Variants in SPOCK3 observed in about 807,000 individuals in gnomAD.
The protein encoded by SPOCK3 is SPARC (osteonectin), cwcv and kazal like domains proteoglycan 3.
A neutral mutation model predicts 56.6 loss-of-function variants in SPOCK3; 30 were observed. The ratio of observed to expected loss-of-function variants is 0.53; its 90% CI spans 0.40 to 0.72. SPOCK3 has a LOEUF of 0.72. Ranked by LOEUF, SPOCK3 falls within the 30% of genes least tolerant of loss-of-function variation. The probability of loss-of-function intolerance (pLI) is 0.00; values close to 1 mark genes in which losing one functional copy is unlikely to be tolerated. For synonymous variants in SPOCK3, 196 were observed against 183.3 expected, an observed-to-expected ratio of 1.07 and a Z score of -0.56; for missense variants, 527 against 530.0, an observed-to-expected ratio of 0.99 and a Z score of 0.06.
At chr4:166,854,609 G>T (rs1360517321) in intron 6 of SPOCK3, among the ~76,000 whole-genome samples, 1 of 152,056 alleles carries the variant, frequency 6.6e-6, no homozygotes, top group Non-Finnish European at 1.5e-5. Flanking sequence ...TATAACTTAA[G>T]AATTTAATTA....
At chr4:167,225,186 T>C (rs890688827) in intron 2 of SPOCK3, among the ~76,000 whole-genome samples, 2 of 152,158 alleles carry the variant, frequency 1.3e-5, no homozygotes, top group African/African-American at 4.8e-5. Context: ...CATGATGCTT[T>C]TAAAACCAAT....
intron 4 of SPOCK3, among the ~76,000 whole-genome samples, chr4:166,990,409 T>A (rs945902241): frequency 1.4e-5 from 2 of 141,942 alleles, no homozygotes; most frequent in Middle Eastern, 3.4e-3. Flanking sequence ...TAAAAAAAAA[T>A]GTTCTTACAA....
chr4:167,116,608 T>G (rs1202503802), intron 2 of SPOCK3, among the ~76,000 whole-genome samples: 1 of 134,650 alleles, frequency 7.4e-6, no homozygotes, highest in African/African-American at 2.8e-5. Flanking sequence ...ATATATACTA[T>G]ATACGTATAT....
chr4:167,047,603 A>T (rs1435624082), intron 3 of SPOCK3, among the ~76,000 whole-genome samples: 1 of 152,224 alleles, frequency 6.6e-6, no homozygotes, highest in Admixed American at 6.5e-5. Context: ...TAAACTTAAG[A>T]CACTATAAAA....
intron 2 of SPOCK3, among the ~76,000 whole-genome samples, chr4:167,133,537 A>G (rs1243337962): frequency 6.6e-6 from 1 of 152,226 alleles, no homozygotes; most frequent in East Asian, 1.9e-4. Flanking sequence ...CCAGTAGTAG[A>G]TGTCTTACAG....
At chr4:167,166,599 A>G (rs1335072701) in intron 2 of SPOCK3, among the ~76,000 whole-genome samples, 1 of 152,074 alleles carries the variant, frequency 6.6e-6, no homozygotes, top group African/African-American at 2.4e-5. Flanking sequence ...CTTTTCAGCA[A>G]TTAGTTTCCT....
At chr4:166,842,674 C>A (rs1166146742) in intron 6 of SPOCK3, among the ~76,000 whole-genome samples, 2 of 152,134 alleles carry the variant, frequency 1.3e-5, no homozygotes, top group African/African-American at 4.8e-5. Context: ...ATCCACCAAC[C>A]CTGAGCTAAA....
chr4:166,805,727 A>T (rs1579281574), intron 6 of SPOCK3, among the ~76,000 whole-genome samples: 1 of 152,228 alleles, frequency 6.6e-6, no homozygotes, highest in South Asian at 2.1e-4. Flanking sequence ...TAAAAAATGA[A>T]GTCATAAGCT....
chr4:166,949,216 G>A (rs1257052382), intron 4 of SPOCK3, among the ~76,000 whole-genome samples: 4 of 152,050 alleles, frequency 2.6e-5, no homozygotes, highest in Admixed American at 6.5e-5. Context: ...GCACTTCTCT[G>A]TATTGGTTAT....
chr4:167,226,752 C>G (rs984886877), intron 2 of SPOCK3, among the ~76,000 whole-genome samples: 5 of 152,082 alleles, frequency 3.3e-5, no homozygotes, highest in Non-Finnish European at 5.9e-5. Flanking sequence ...CTCTTAAACG[C>G]CTCCTGTTAG....
intron 3 of SPOCK3, among the ~76,000 whole-genome samples, chr4:167,058,069 G>A (rs1038263152): frequency 6.6e-6 from 1 of 151,996 alleles, no homozygotes. Context: ...TAAAAGATCG[G>A]AATTTTAACA....
chr4:167,231,770 T>G (rs1459845651), intron 2 of SPOCK3, among the ~76,000 whole-genome samples: 1 of 152,118 alleles, frequency 6.6e-6, no homozygotes, highest in Admixed American at 6.5e-5. Flanking sequence ...ACTGTCAGCA[T>G]ACCTTTCATC....
Position 167,188,589 on chromosome 4 carries a change from G to A in SPOCK3, c.189+45396C>T, listed in dbSNP as rs1000168984. 7.6e-5 allele frequency among the ~76,000 whole-genome samples: 11 copies of A among 145,506 alleles called. 1 individual carries two copies. The South Asian group carries it at 2.4e-3, about 31-fold the overall frequency. Reference sequence around the variant, plus strand: ...TAAAAAGCCTAAAATCAATAAACATGGAAAGTGGAGATAAATTTGAGCCCC... The same window carrying A: ...TAAAAAGCCTAAAATCAATAAACATAGAAAGTGGAGATAAATTTGAGCCCC... On this transcript the variant is annotated intron_variant, in intron 2 of 10. Coordinates refer to ENST00000357545, the MANE Select transcript of SPOCK3 (RefSeq NM_001040159.2).
intron 2 of SPOCK3, among the ~76,000 whole-genome samples, chr4:167,147,016 C>A (rs966615669): frequency 5.9e-5 from 9 of 151,974 alleles, no homozygotes; most frequent in Non-Finnish European, 1.3e-4. Flanking sequence ...ATCAATGAAT[C>A]CAGGAGTTGG....
At chr4:167,161,639 C>T (rs1765316994) in intron 2 of SPOCK3, among the ~76,000 whole-genome samples, 1 of 152,068 alleles carries the variant, frequency 6.6e-6, no homozygotes, top group Non-Finnish European at 1.5e-5. Context: ...TGGAACCAAC[C>T]CAAATGTGCA....
intron 3 of SPOCK3, among the ~76,000 whole-genome samples, chr4:167,047,447 AG>A (rs1452372402): frequency 6.6e-6 from 1 of 152,170 alleles, no homozygotes; most frequent in Non-Finnish European, 1.5e-5. Context: ...CTTTTTGCAA[AG>A]GCCAAATTAT....
chr4:166,933,258 C>G (rs1223888195), intron 4 of SPOCK3, among the ~76,000 whole-genome samples: 1 of 152,004 alleles, frequency 6.6e-6, no homozygotes, highest in Non-Finnish European at 1.5e-5. Context: ...ATGAAATAAC[C>G]AAATAACCAA....
intron 4 of SPOCK3, among the ~76,000 whole-genome samples, chr4:166,948,709 T>C (rs1196242522): frequency 6.6e-6 from 1 of 152,194 alleles, no homozygotes; most frequent in Non-Finnish European, 1.5e-5. Context: ...TGCTGAGAGA[T>C]CCACTGTTAG....
chr4:166,867,222 A>G (rs1327627962), intron 6 of SPOCK3, among the ~76,000 whole-genome samples: 2 of 152,060 alleles, frequency 1.3e-5, no homozygotes, highest in African/African-American at 4.8e-5. Context: ...GTTTCCTCTG[A>G]CATTCTGGAT....
Sources: gnomAD v4.1 joint callset for allele counts (sites outside exome capture counted in the v4.1 genomes callset) on GRCh38, gnomAD v4.1.1 for gene constraint, MANE v1.5 for transcripts, NCBI Gene and HGNC (gene_info 2026-07-23, HGNC 2026-07-21) for gene names.